EBF3: variants seen among roughly 807,000 people sequenced by gnomAD.
The protein encoded by EBF3 is transcription factor COE3.
In EBF3, 18 loss-of-function variants were observed where a neutral mutation model predicts 77.1. The observed-to-expected ratio is 0.23, with a 90% CI of 0.16 to 0.35. The LOEUF (loss-of-function observed/expected upper bound fraction) is 0.35, where lower values mean the gene tolerates loss of function less well. EBF3 is among the 10% of genes least tolerant of loss of function. The pLI, the probability that EBF3 is intolerant of heterozygous loss-of-function variation, is 1.00. For missense variants in EBF3, 558 were observed against 860.0 expected (o/e 0.65, Z 4.39); for synonymous variants, 350 against 343.5 (o/e 1.02, Z -0.21).
chr10:129,950,256 GGCGCGGCT>G (rs1341884880), intron 6 of EBF3, among the ~76,000 whole-genome samples: 1 of 152,194 alleles, frequency 6.6e-6, no homozygotes, highest in Non-Finnish European at 1.5e-5. Context: ...TTACTGGGAA[GGCGCGGCT>G]GCTGCCCCCA....
rs1849728058 is a variant in EBF3, at chr10:129,838,056, A to G, written c.1873-96T>C. On this transcript the variant is annotated intron_variant, in intron 16 of 16. Transcript: ENST00000440978. ...CGGGGCTGCCCTTCCCCCCTATTCAACTGGGAGGCTGGTCTTGCACAGTTC... is the reference window on the plus strand; with the variant it reads ...CGGGGCTGCCCTTCCCCCCTATTCAGCTGGGAGGCTGGTCTTGCACAGTTC... 2.2e-5 allele frequency: 32 copies of G among 1,448,932 alleles called. 1 individual carries two copies. In the South Asian group the frequency reaches 2.4e-4, roughly 11 times the overall value. 89.8% of individuals were successfully genotyped at this position (1,448,932 alleles called of 1,614,324 possible).
chr10:129,886,957 G>A (rs939204700), intron 6 of EBF3, among the ~76,000 whole-genome samples: 8 of 150,372 alleles, frequency 5.3e-5, no homozygotes, highest in African/African-American at 2.0e-4. Flanking sequence ...ACACTGGAAT[G>A]CAGAAACAGA....
chr10:129,892,420 G>C (rs1427941678), intron 6 of EBF3, among the ~76,000 whole-genome samples: 1 of 152,202 alleles, frequency 6.6e-6, no homozygotes, highest in Middle Eastern at 3.2e-3. Context: ...TGAGCTGTTT[G>C]GCGATTTCCA....
chr10:129,868,247 C>T (rs1852167563), intron 8 of EBF3, among the ~76,000 whole-genome samples: 3 of 152,240 alleles, frequency 2.0e-5, no homozygotes, highest in Admixed American at 6.5e-5. Context: ...CTGTACAGAT[C>T]TAAGCAGAGT....
At chr10:129,862,767 T>A (rs1851730417) in intron 10 of EBF3, among the ~76,000 whole-genome samples, 1 of 152,208 alleles carries the variant, frequency 6.6e-6, no homozygotes, top group African/African-American at 2.4e-5. Flanking sequence ...GCATACAAAT[T>A]CCAATCTGTC....
intron 6 of EBF3, among the ~76,000 whole-genome samples, chr10:129,951,782 T>C (rs1379415700): frequency 6.6e-6 from 1 of 152,238 alleles, no homozygotes; most frequent in Non-Finnish European, 1.5e-5. Context: ...ATCTCAAGCT[T>C]ATGGGCAGGG....
chr10:129,856,312 G>A (rs1389264487), intron 10 of EBF3, among the ~76,000 whole-genome samples: 1 of 152,110 alleles, frequency 6.6e-6, no homozygotes, highest in East Asian at 1.9e-4. Context: ...TCCTGGCAGT[G>A]TTTTCCATAA....
chr10:129,876,887 C>A (rs1355265092), intron 7 of EBF3, among the ~76,000 whole-genome samples: 5 of 9,614 alleles, frequency 5.2e-4, no homozygotes, highest in African/African-American at 1.1e-3. Flanking sequence ...ATCCCTGAAC[C>A]CCCCCCCCCC....
intron 6 of EBF3, among the ~76,000 whole-genome samples, chr10:129,888,210 T>C (rs1232751412): frequency 2.6e-5 from 4 of 152,238 alleles, no homozygotes; most frequent in East Asian, 1.9e-4. Flanking sequence ...GCACCCGCTA[T>C]GGCTCTTCCT....
At chr10:129,960,531 A>C (rs1474515974) in intron 4 of EBF3, among the ~76,000 whole-genome samples, 1 of 151,538 alleles carries the variant, frequency 6.6e-6, no homozygotes, top group African/African-American at 2.4e-5. Context: ...CCGTATTTAT[A>C]TTTGATTTAT....
At chr10:129,928,645 C>T (rs1856823079) in intron 6 of EBF3, among the ~76,000 whole-genome samples, 1 of 152,210 alleles carries the variant, frequency 6.6e-6, no homozygotes, top group African/African-American at 2.4e-5. Context: ...TGTGTGCAAA[C>T]TAAGGCCCTC....
At position 129,842,139 on chromosome 10, in the gene EBF3, T is replaced by C; in HGVS notation, c.1349A>G (p.Glu450Gly). Residue 450 changes from glutamate (E) to glycine (G), a missense_variant, in exon 13 of 17, where the codon GAG (glutamate) becomes GGG (glycine). Transcript: ENST00000440978. This position sits in a 1 kb window ranked among gnomAD's most constrained non-coding sequence, Gnocchi z 4.4. ...FSSQLAVNVS[E>G]TSQANDQVGY... ...ACCTTGGTCGTTGGCTTGTGACGTC[T>C]CTGACACGTTGACGGCTAGCTGGCT... is the stretch of plus-strand genomic sequence containing the variant. 1 of 1,614,236 alleles carries C rather than the reference T, an allele frequency of 6.2e-7. No homozygotes were observed. Among genetic ancestry groups the C allele is most frequent in the Non-Finnish European group, 8.5e-7 (1 of 1,180,044 alleles).
chr10:129,888,722 G>T (rs554916740), intron 6 of EBF3, among the ~76,000 whole-genome samples: 2 of 152,208 alleles, frequency 1.3e-5, no homozygotes, highest in Non-Finnish European at 2.9e-5. Context: ...TTAATAATTT[G>T]ATAAATAGGG....
intron 6 of EBF3, among the ~76,000 whole-genome samples, chr10:129,881,172 G>A (rs1328062743): frequency 1.3e-5 from 2 of 152,118 alleles, no homozygotes; most frequent in Non-Finnish European, 2.9e-5. Flanking sequence ...TTTGGCTTTA[G>A]CACCAATAAA....
Position 129,917,651 on chromosome 10 carries a change from C to CAAAAAAAAAAAAAAAAAAAAAAAAAAAA in EBF3, c.554+39579_554+39606dup. ...TGGGCACCACAGCAAGACCCTGCCT[C>CAAAAAAAAAAAAAAAAAAAAAAAAAAAA]AAAAAAAAAAAAAAAAAAAAAAAAA... On this transcript the variant is annotated intron_variant, in intron 6 of 16. Coordinates refer to ENST00000440978, the MANE Select transcript of EBF3 (RefSeq NM_001375380.1). 2.1e-3 allele frequency among the ~76,000 whole-genome samples: 49 copies of CAAAAAAAAAAAAAAAAAAAAAAAAAAAA among 23,596 alleles called. 9 individuals are homozygous for CAAAAAAAAAAAAAAAAAAAAAAAAAAAA. Among genetic ancestry groups the CAAAAAAAAAAAAAAAAAAAAAAAAAAAA allele is most frequent in the African/African-American group, 3.0e-3 (16 of 5,334 alleles). The allele number at this position is 23,596 out of a possible 152,430, so 15.5% of individuals were successfully genotyped here.
rs77248611 is a variant in EBF3, at chr10:129,938,744, G to T, written c.554+18514C>A. Among the ~76,000 whole-genome samples, 393 of 152,262 alleles carry T rather than the reference G, an allele frequency of 2.6e-3. 2 individuals are homozygous for T. Among genetic ancestry groups the T allele is most frequent in the African/African-American group, 9.2e-3 (383 of 41,556 alleles). ...TCCTGGGACCTGGCCTGTGCTCCAA[G>T]CAAGTCAAGGCCATTGAGTCAATAG... On this transcript the variant is annotated intron_variant, in intron 6 of 16. Transcript: ENST00000440978. The surrounding 1 kb of genome is among the most constrained non-coding windows in gnomAD (Gnocchi z 5.1).
chr10:129,884,905 G>A (rs1224983366), intron 6 of EBF3, among the ~76,000 whole-genome samples: 1 of 152,162 alleles, frequency 6.6e-6, no homozygotes, highest in Non-Finnish European at 1.5e-5. Flanking sequence ...CTCCGCTGTA[G>A]TAACCACACC....
chr10:129,877,741 G>A (rs774881529), intron 7 of EBF3, 27 bp downstream of exon 7: 1 of 1,595,614 alleles, frequency 6.3e-7, no homozygotes, highest in African/African-American at 1.3e-5. Context: ...CAGGACCACG[G>A]TCCACGTGTC....
chr10:129,961,373 C>T (rs1859508705), intron 4 of EBF3, among the ~76,000 whole-genome samples: 1 of 152,160 alleles, frequency 6.6e-6, no homozygotes, highest in Non-Finnish European at 1.5e-5. Context: ...ACCAAATCAA[C>T]AACAACACAC....
Sources: gnomAD v4.1 joint callset for allele counts (sites outside exome capture counted in the v4.1 genomes callset) on GRCh38, gnomAD v4.1.1 for gene constraint, Gnocchi (gnomAD v3.1) non-coding constraint, MANE v1.5 for transcripts, NCBI Gene and HGNC (gene_info 2026-07-23, HGNC 2026-07-21) for gene names.